KRT7: variants seen among roughly 807,000 people sequenced by gnomAD.
The protein encoded by KRT7 is keratin, type II cytoskeletal 7.
In KRT7, 50 loss-of-function variants were observed where a neutral mutation model predicts 42.8. The ratio of observed to expected loss-of-function variants is 1.17; its 90% CI spans 0.93 to 1.48. The LOEUF (loss-of-function observed/expected upper bound fraction) is 1.48. KRT7 is among the 40% of genes most tolerant of loss of function. The pLI is 0.00. For missense variants in KRT7, 588 were observed against 637.6 expected (o/e 0.92, Z 0.84); for synonymous variants, 268 against 266.3 (o/e 1.01, Z -0.06).
chr12:52,240,975 C>A (rs889690699), intron 4 of KRT7, among the ~76,000 whole-genome samples: 2 of 151,058 alleles, frequency 1.3e-5, no homozygotes, highest in African/African-American at 4.9e-5. Context: ...CGCCCTGTGC[C>A]CAAGTGATGT....
At chr12:52,244,857 G>A (rs1942145329) in intron 6 of KRT7, among the ~76,000 whole-genome samples, 1 of 152,108 alleles carries the variant, frequency 6.6e-6, no homozygotes. Context: ...ATCTAGGAGG[G>A]TCTCTCTGCT....
chr12:52,241,626 A>G lies in KRT7; in HGVS notation c.848A>G (p.Tyr283Cys). Residue 283 changes from tyrosine to cysteine, a missense_variant, in exon 5 of 9, where the codon TAC becomes TGC. By Grantham distance (194) the Tyr-to-Cys change is radical. Coordinates refer to ENST00000331817, the MANE Select transcript of KRT7 (RefSeq NM_005556.4). ...KCSRAEAEAW[Y>C]QTKFETLQAQ... The stretch of plus-strand genomic sequence containing the variant: ...AGCCGGGCTGAGGCTGAAGCCTGGT[A>G]CCAGACCAAGGTGTGAGGCCACCAG... 1 of 1,609,764 alleles carries G rather than the reference A, an allele frequency of 6.2e-7. No individual in the cohort carries two copies. Among genetic ancestry groups the G allele is most frequent in the Non-Finnish European group, 8.5e-7 (1 of 1,177,508 alleles).
intron 4 of KRT7, among the ~76,000 whole-genome samples, chr12:52,239,537 C>T (rs1197394636): frequency 6.6e-6 from 1 of 152,034 alleles, no homozygotes; most frequent in African/African-American, 2.4e-5. Flanking sequence ...GCTAAGGATT[C>T]GGGAGGAGGT....
chr12:52,246,586 G>A (rs1317244901), intron 7 of KRT7: 1 of 152,346 alleles, frequency 6.6e-6, no homozygotes, highest in South Asian at 2.1e-4. Flanking sequence ...GGAGACACAG[G>A]GCCGCAGGGT....
In KRT7 at chr12:52,245,492, G is replaced by A; in HGVS notation, c.1065G>A (p.Glu355=). ...LALKDARAKQ[E]ELEAALQRGK... Reference sequence around the variant, plus strand: ...TCAAGGATGCTCGTGCCAAGCAGGAGGAGCTGGAAGCCGCCCTGCAGCGGG... The same window carrying A: ...TCAAGGATGCTCGTGCCAAGCAGGAAGAGCTGGAAGCCGCCCTGCAGCGGG... The change falls in exon 7 of 9, where the codon GAG becomes GAA. Residue 355 remains glutamate, a synonymous_variant. Coordinates refer to ENST00000331817, the MANE Select transcript of KRT7 (RefSeq NM_005556.4). The A allele has an allele frequency of 6.2e-6, 10 of 1,613,986 alleles. No homozygotes were observed. Among genetic ancestry groups the A allele is most frequent in the Non-Finnish European group, 8.5e-6 (10 of 1,179,888 alleles).
rs889587094 is a variant in KRT7, at chr12:52,240,648, A to G, written c.694-824A>G. 2.6e-5 allele frequency among the ~76,000 whole-genome samples: 4 copies of G among 152,126 alleles called. 1 individual carries two copies. Among genetic ancestry groups the G allele is most frequent in the Non-Finnish European group, 5.9e-5 (4 of 68,026 alleles). ...CTGTCTCAAAAAAAAAGAAAAAAAA[A>G]AGAAAATGGATTACTTATACCCAAT... On this transcript the variant is annotated intron_variant, in intron 4 of 8. Transcript: ENST00000331817.
downstream of KRT7, among the ~76,000 whole-genome samples, chr12:52,252,760 C>T (rs911244106): frequency 3.9e-5 from 6 of 152,228 alleles, no homozygotes; most frequent in Non-Finnish European, 8.8e-5. Flanking sequence ...TCTGCCTAGC[C>T]CTGCCTTTTG....
At chr12:52,241,382 C>CT in intron 4 of KRT7, 90 bp from the exon 5 acceptor site, 6 of 1,212,246 alleles carry the variant, frequency 4.9e-6, no homozygotes, top group Non-Finnish European at 6.9e-6. Flanking sequence ...GCTGTTCTCT[C>CT]TTTTCTTTCC....
chr12:52,234,383 A>G (rs538099748), intron 1 of KRT7, among the ~76,000 whole-genome samples: 3 of 152,270 alleles, frequency 2.0e-5, no homozygotes, highest in Admixed American at 2.0e-4. Context: ...CAAAGCCAGG[A>G]ACTCAGGGCT....
intron 6 of KRT7, chr12:52,245,111 G>A (rs962262716): frequency 7.3e-5 from 37 of 509,550 alleles, no homozygotes; most frequent in Non-Finnish European, 1.2e-4. Context: ...CGGACATCTT[G>A]TATATTATCT....
intron 3 of KRT7, 56 bp downstream of exon 3, chr12:52,237,625 C>T (rs11170058): frequency 0.068 from 99,267 of 1,450,250 alleles, 8,211 homozygotes; most frequent in East Asian, 0.37. Flanking sequence ...GACAAAGGAC[C>T]ACAGGATCCT....
chr12:52,240,890 A>G (rs564347535), intron 4 of KRT7, among the ~76,000 whole-genome samples: 39 of 152,122 alleles, frequency 2.6e-4, no homozygotes, highest in Middle Eastern at 6.8e-3. Flanking sequence ...TGTCATTTAC[A>G]TTAGGTATTT....
rs747328669 is a variant in KRT7, at chr12:52,233,451, G to C, written c.155G>C (p.Arg52Pro). Residue 52 changes from arginine (R) to proline (P), a missense_variant, in exon 1 of 9, where the codon CGC (arginine) becomes CCC (proline). Physicochemically the swap from Arg to Pro is moderately radical, Grantham distance 103. Coordinates refer to ENST00000331817, the MANE Select transcript of KRT7 (RefSeq NM_005556.4). ...GCCTCACGGCCGCGCGTGGCCGTGC[G>C]CTCTGCCTATGGGGGCCCGGTGGGC... ...LGASRPRVAV[R>P]SAYGGPVGAG... 3 of 1,589,236 alleles carry C rather than the reference G, an allele frequency of 1.9e-6. No homozygotes were observed. The East Asian group carries it at 7.1e-5, about 38-fold the overall frequency.
rs1259235271 is a variant in KRT7 at position 52,238,688 on chromosome 12, T to C, written c.606T>C (p.Asp202=). The change falls in exon 4 of 9, where the codon GAT becomes GAC. Residue 202 remains aspartate, a synonymous_variant. Transcript: ENST00000331817. The part of the protein sequence containing the change: ...NEFVVLKKDV[D]AAYMSKVELE... ...CTTGCCCCAACCCCCAGGATGTGGA[T>C]GCTGCCTACATGAGCAAGGTGGAGC... The C allele has an allele frequency of 6.2e-7, 1 of 1,612,764 alleles. No homozygotes were observed. Among genetic ancestry groups the C allele is most frequent in the East Asian group, 2.2e-5 (1 of 44,894 alleles).
chr12:52,252,847 C>T (rs554675054), downstream of KRT7, among the ~76,000 whole-genome samples: 1 of 152,280 alleles, frequency 6.6e-6, no homozygotes, highest in East Asian at 1.9e-4. Context: ...CATTTACTAA[C>T]CCCATTGATG....
At chr12:52,250,815 G>T (rs1942254911), downstream of KRT7, among the ~76,000 whole-genome samples, 2 of 152,158 alleles carry the variant, frequency 1.3e-5, no homozygotes, top group South Asian at 4.1e-4. Context: ...CTCTCTATAG[G>T]CAGACATAGC....
chr12:52,248,639 T>G lies in KRT7; in HGVS notation c.1289T>G (p.Leu430Arg). ...GGSSSGGGIG[L>R]TLGGTMGSNA... is the part of the protein sequence containing the mutation. ...AGTAGCAGTGGCGGTGGCATTGGGC[T>G]GACCCTCGGGGGAACCATGGGCAGC... is the stretch of plus-strand genomic sequence containing the variant. Residue 430 changes from leucine to arginine, a missense_variant, in exon 9 of 9, where the codon CTG becomes CGG. Physicochemically the swap from Leu to Arg is moderately radical, Grantham distance 102 (BLOSUM62 -2). Transcript: ENST00000331817. The G allele has an allele frequency of 6.2e-7, 1 of 1,609,988 alleles. No homozygotes were observed. The highest frequency in any genetic ancestry group is 1.1e-5 in the South Asian group (1 of 90,604).
chr12:52,248,771 A>C lies in KRT7; in HGVS notation c.*11A>C, dbSNP rs774790732. ...AGTGCCCGCGACTGAGCCGCCTCCC[A>C]CCACTCCACTCCTCCAGCCACCACC... On this transcript the variant is annotated 3_prime_UTR_variant, in exon 9 of 9. Coordinates refer to ENST00000331817, the MANE Select transcript of KRT7 (RefSeq NM_005556.4). 5.9e-6 allele frequency: 9 copies of C among 1,534,298 alleles called. No individual in the cohort carries two copies. Among genetic ancestry groups the C allele is most frequent in the Non-Finnish European group, 7.9e-6 (9 of 1,143,990 alleles).
chr12:52,253,679 GAC>G (rs1942299746), downstream of KRT7: 1 of 1,464,524 alleles, frequency 6.8e-7, no homozygotes, highest in Non-Finnish European at 9.3e-7. Flanking sequence ...TCTCAGTGAT[GAC>G]ACAGTGCATG....
Sources: gnomAD v4.1 joint callset for allele counts (sites outside exome capture counted in the v4.1 genomes callset) on GRCh38, gnomAD v4.1.1 for gene constraint, MANE v1.5 for transcripts, NCBI Gene and HGNC (gene_info 2026-07-23, HGNC 2026-07-21) for gene names.